VWA3B: variants seen among roughly 807,000 people sequenced by gnomAD.
The protein encoded by VWA3B is von Willebrand factor A domain-containing protein 3B.
Under a neutral mutation model 158.3 loss-of-function variants are expected in VWA3B, and 138 were observed. The ratio of observed to expected loss-of-function variants is 0.87; its 90% CI spans 0.76 to 1.00. The LOEUF is 1.00. VWA3B is among the 50% of genes least tolerant of loss of function. VWA3B has a pLI of 0.00. For missense variants in VWA3B, 1,555 were observed against 1,565.1 expected, an observed-to-expected ratio of 0.99 and a Z score of 0.11; for synonymous variants, 596 against 587.3, an observed-to-expected ratio of 1.01 and a Z score of -0.21.
chr2:98,193,293 G>T (rs1681751483), intron 11 of VWA3B, among the ~76,000 whole-genome samples: 1 of 152,050 alleles, frequency 6.6e-6, no homozygotes, highest in African/African-American at 2.4e-5. Context: ...TGAAATCTTT[G>T]GTATACACAC....
At chr2:98,302,048 C>T (rs777091824) in intron 25 of VWA3B, among the ~76,000 whole-genome samples, 1 of 152,178 alleles carries the variant, frequency 6.6e-6, no homozygotes, top group Non-Finnish European at 1.5e-5. Context: ...ACACATGCTT[C>T]GTGTCACCCT....
the VWA3B span, among the ~76,000 whole-genome samples, chr2:98,322,607 G>A: frequency 1.3e-5 from 2 of 152,236 alleles, no homozygotes; most frequent in African/African-American, 2.4e-5. Context: ...AAAGGTCTGT[G>A]TGTTTGCTGC....
intron 2 of VWA3B, among the ~76,000 whole-genome samples, chr2:98,094,428 G>T (rs1304979920): frequency 6.6e-6 from 1 of 152,086 alleles, no homozygotes; most frequent in Non-Finnish European, 1.5e-5. Context: ...CCATTTGTAT[G>T]ATTTATTTTG....
At chr2:98,185,725 C>G (rs571490509) in intron 9 of VWA3B, among the ~76,000 whole-genome samples, 57 of 152,330 alleles carry the variant, frequency 3.7e-4, no homozygotes, top group African/African-American at 1.3e-3. Context: ...TTGTCCTTGT[C>G]CTGTCTAAGG....
intron 7 of VWA3B, among the ~76,000 whole-genome samples, chr2:98,135,041 C>A (rs1355282747): frequency 2.0e-5 from 3 of 152,030 alleles, no homozygotes; most frequent in Non-Finnish European, 4.4e-5. Context: ...TAGGCAAGAT[C>A]GATGCTAATC....
chr2:98,252,963 A>G (rs1686895168), intron 20 of VWA3B, among the ~76,000 whole-genome samples: 1 of 152,178 alleles, frequency 6.6e-6, no homozygotes, highest in Non-Finnish European at 1.5e-5. Context: ...CATGATTGGT[A>G]TTATTTAATA....
chr2:98,157,757 G>A (rs558360546), intron 7 of VWA3B, among the ~76,000 whole-genome samples: 7 of 152,322 alleles, frequency 4.6e-5, no homozygotes, highest in Admixed American at 3.3e-4. Flanking sequence ...GTTCTTCACC[G>A]GAGAGTCCTG....
rs1681732016 is a variant in VWA3B at position 98,193,035 on chromosome 2, A to G, written c.1604A>G (p.Gln535Arg). 1 of 1,609,950 alleles carries G rather than the reference A, an allele frequency of 6.2e-7. No individual in the cohort carries two copies. Among genetic ancestry groups the G allele is most frequent in the Non-Finnish European group, 8.5e-7 (1 of 1,177,476 alleles). Residue 535 changes from glutamine to arginine, a missense_variant and splice_region_variant, in exon 11 of 28, where the codon CAG becomes CGG. Transcript: ENST00000477737. ...AAGGACAAGATCATTCAGTTCATAC[A>G]GGTTAGATGGAACTGTCGGTTCATG... ...LVKDKIIQFI[Q>R]EQLKYKSKFN...
intron 8 of VWA3B, among the ~76,000 whole-genome samples, chr2:98,177,455 T>C (rs897828294): frequency 3.9e-5 from 6 of 152,126 alleles, no homozygotes; most frequent in Non-Finnish European, 8.8e-5. Flanking sequence ...AAGGACCCCT[T>C]AGTAAGTGAC....
chr2:98,303,593 T>C (rs1011325749), intron 25 of VWA3B, 109 bp from the exon 26 acceptor site: 14 of 980,946 alleles, frequency 1.4e-5, no homozygotes, highest in East Asian at 5.2e-5. Flanking sequence ...TCACCCTGAA[T>C]AGGATAATGA....
At chr2:98,111,375 G>A (rs1342689834) in intron 2 of VWA3B, among the ~76,000 whole-genome samples, 2 of 152,100 alleles carry the variant, frequency 1.3e-5, no homozygotes, top group Non-Finnish European at 2.9e-5. Flanking sequence ...ACATATAAGG[G>A]CAGGTGTCTT....
the VWA3B span, among the ~76,000 whole-genome samples, chr2:98,321,970 T>C: frequency 6.6e-6 from 1 of 152,192 alleles, no homozygotes; most frequent in Non-Finnish European, 1.5e-5. Context: ...CATGCTGTTC[T>C]TGTGATAGGG....
rs1408705340 is a variant in VWA3B at position 98,162,174 on chromosome 2, C to CCAA, written c.989-674_989-672dup. 4.6e-5 allele frequency among the ~76,000 whole-genome samples: 7 copies of CCAA among 151,498 alleles called. No homozygotes were observed. In the East Asian group the frequency reaches 1.4e-3, roughly 30 times the overall value. ...TCCATTTCCCCCCGGCCCACCCGCC[C>CCAA]CAACATCTAGAAACTGCTGATCTGT... On this transcript the variant is annotated intron_variant, in intron 7 of 27. Coordinates refer to ENST00000477737, the MANE Select transcript of VWA3B (RefSeq NM_144992.5).
chr2:98,189,694 T>G (rs750740323), intron 10 of VWA3B, among the ~76,000 whole-genome samples: 1 of 152,198 alleles, frequency 6.6e-6, no homozygotes. Context: ...CTGTAGTCTT[T>G]AATTCTCATT....
At chr2:98,308,911 C>A (rs2106017359) in intron 26 of VWA3B, among the ~76,000 whole-genome samples, 1 of 152,284 alleles carries the variant, frequency 6.6e-6, no homozygotes, top group African/African-American at 2.4e-5. Context: ...GTGGCTCATG[C>A]CTGTAACCCT....
chr2:98,264,348 G>T (rs76454980), intron 21 of VWA3B, among the ~76,000 whole-genome samples: 15,773 of 151,822 alleles, frequency 0.1, 1,098 homozygotes, highest in Non-Finnish European at 0.16. Context: ...CTTTTAAAAT[G>T]TGTTTACCAC....
chr2:98,193,747 G>A (rs998235671), intron 11 of VWA3B, among the ~76,000 whole-genome samples: 3 of 151,942 alleles, frequency 2.0e-5, no homozygotes, highest in Admixed American at 1.3e-4. Flanking sequence ...CTGCCACCAC[G>A]CCCGGCTAAT....
intron 19 of VWA3B, among the ~76,000 whole-genome samples, chr2:98,237,614 C>T (rs1298915327): frequency 1.3e-5 from 2 of 152,146 alleles, no homozygotes; most frequent in African/African-American, 2.4e-5. Flanking sequence ...CTCATCTTTA[C>T]AAGAATAATT....
chr2:98,167,848 T>C (rs1270195522), intron 8 of VWA3B, among the ~76,000 whole-genome samples: 1 of 152,222 alleles, frequency 6.6e-6, no homozygotes, highest in Non-Finnish European at 1.5e-5. Context: ...CATGGGTCCC[T>C]GGGTAGACTA....
Sources: gnomAD v4.1 joint callset for allele counts (sites outside exome capture counted in the v4.1 genomes callset) on GRCh38, gnomAD v4.1.1 for gene constraint, MANE v1.5 for transcripts, NCBI Gene and HGNC (gene_info 2026-07-23, HGNC 2026-07-21) for gene names.